ATAD2: variants seen among roughly 807,000 people sequenced by gnomAD.
ATAD2 encodes ATPase family AAA domain-containing protein 2.
In ATAD2, 62 loss-of-function variants were observed where a neutral mutation model predicts 168.9. The ratio of observed to expected loss-of-function variants is 0.37; its 90% confidence interval spans 0.30 to 0.45. The LOEUF (loss-of-function observed/expected upper bound fraction) is 0.45, where lower values mean the gene tolerates loss of function less well. Ranked by LOEUF, ATAD2 falls within the 20% of genes least tolerant of loss-of-function variation. ATAD2 has a pLI of 1.00. For missense variants in ATAD2, 1,419 were observed against 1,667.8 expected (o/e 0.85, Z 2.60); for synonymous variants, 613 against 571.6 (o/e 1.07, Z -1.03).
intron 1 of ATAD2, among the ~76,000 whole-genome samples, chr8:123,389,269 C>T (rs1009650530): frequency 4.1e-5 from 6 of 147,336 alleles, no homozygotes; most frequent in South Asian, 2.2e-4. Context: ...AGCCACCGTG[C>T]CCGGCCTGTG....
intron 1 of ATAD2, among the ~76,000 whole-genome samples, chr8:123,414,952 C>A (rs1205148091): frequency 6.6e-6 from 1 of 151,998 alleles, no homozygotes; most frequent in African/African-American, 2.4e-5. Flanking sequence ...TGCCTGTGTA[C>A]CTTGTTTTTT....
intron 1 of ATAD2, among the ~76,000 whole-genome samples, chr8:123,413,472 T>A (rs1439932870): frequency 6.6e-6 from 1 of 152,174 alleles, no homozygotes; most frequent in East Asian, 1.9e-4. Flanking sequence ...CAGCACCCAT[T>A]AGATAAGCAC....
At chr8:123,351,593 C>T (rs1222634432) in intron 13 of ATAD2, among the ~76,000 whole-genome samples, 1 of 152,176 alleles carries the variant, frequency 6.6e-6, no homozygotes, top group Non-Finnish European at 1.5e-5. Context: ...AACTACACTA[C>T]TTCATCAACT....
chr8:123,400,775 C>A, upstream of ATAD2: 1 of 829,476 alleles, frequency 1.2e-6, no homozygotes, highest in Non-Finnish European at 2.1e-6. The surrounding 1 kb of genome is among the most constrained non-coding windows in gnomAD (Gnocchi z 4.5). Context: ...CCGCTGATCT[C>A]CTCCTCCATG....
At chr8:123,407,852 C>CA (rs11315960) in intron 1 of ATAD2, among the ~76,000 whole-genome samples, 76 of 139,982 alleles carry the variant, frequency 5.4e-4, no homozygotes, top group African/African-American at 8.4e-4. Flanking sequence ...GACTCCGTCT[C>CA]AAAAAAAAAA....
At chr8:123,345,182 G>T in intron 18 of ATAD2, 113 bp from the exon 19 acceptor site, 2 of 887,624 alleles carry the variant, frequency 2.3e-6, no homozygotes, top group Non-Finnish European at 3.1e-6. Flanking sequence ...AAGTCCTCAA[G>T]TTTTTAAAAT....
intron 13 of ATAD2, among the ~76,000 whole-genome samples, chr8:123,354,864 A>AAAAAATATATATATATAT (rs1554644338): frequency 1.5e-5 from 1 of 64,714 alleles, no homozygotes; most frequent in African/African-American, 8.7e-5. Context: ...AAAAAAAAAA[A>AAAAAATATATATATATAT]ATATATATAT....
intron 1 of ATAD2, among the ~76,000 whole-genome samples, chr8:123,408,832 T>A (rs1300327771): frequency 6.8e-6 from 1 of 146,742 alleles, no homozygotes; most frequent in African/African-American, 2.5e-5. Context: ...GATATATTCT[T>A]TTTTTTTTTT....
At chr8:123,401,850 G>A (rs1813007839) in intron 1 of ATAD2, 4 of 761,384 alleles carry the variant, frequency 5.3e-6, no homozygotes, top group East Asian at 4.9e-5. Context: ...AGCCAGGCAC[G>A]ATACTTCAGT....
At chr8:123,363,744 A>G (rs1828886867) in intron 8 of ATAD2, among the ~76,000 whole-genome samples, 1 of 152,190 alleles carries the variant, frequency 6.6e-6, no homozygotes, top group Non-Finnish European at 1.5e-5. Context: ...GACTAACATT[A>G]ACTGACTGCT....
At chr8:123,371,103 C>T (rs1586890666) in intron 5 of ATAD2, 113 bp from the exon 6 acceptor site, 5 of 1,106,112 alleles carry the variant, frequency 4.5e-6, no homozygotes, top group African/African-American at 1.6e-5. Context: ...TAAACTCTTA[C>T]ATTTCCAGCA....
At chr8:123,387,515 A>G (rs1829678597) in intron 1 of ATAD2, among the ~76,000 whole-genome samples, 1 of 152,196 alleles carries the variant, frequency 6.6e-6, no homozygotes, top group South Asian at 2.1e-4. Flanking sequence ...ATGTATTACC[A>G]GAAAAAAATT....
rs149553795 is a variant in ATAD2, at chr8:123,339,810, T to C, written c.2719-364A>G. Among the ~76,000 whole-genome samples the C allele has an allele frequency of 3.1e-4, 47 of 152,278 alleles. No homozygotes were observed. The East Asian group carries it at 6.7e-3, about 22-fold the overall frequency. ...TGTATAAACCATGTTTACAAGAGAT[T>C]AAGGAACTAAAAATCATGAGAACTC... On this transcript the variant is annotated intron_variant, in intron 19 of 27. Transcript: ENST00000287394.
At chr8:123,340,982 A>C (rs983567421) in intron 19 of ATAD2, among the ~76,000 whole-genome samples, 16 of 151,598 alleles carry the variant, frequency 1.1e-4, no homozygotes, top group African/African-American at 3.9e-4. Context: ...TCACTCTGTC[A>C]CCTAGGCTGG....
At chr8:123,353,634 A>G (rs1177973170) in intron 13 of ATAD2, among the ~76,000 whole-genome samples, 1 of 151,674 alleles carries the variant, frequency 6.6e-6, no homozygotes, top group East Asian at 1.9e-4. Context: ...TTTCTGCTTC[A>G]GTGTTACAAT....
At chr8:123,375,475 G>A (rs1342900747) in intron 2 of ATAD2, among the ~76,000 whole-genome samples, 1 of 152,170 alleles carries the variant, frequency 6.6e-6, no homozygotes, top group Non-Finnish European at 1.5e-5. Context: ...TCCTCAAAAT[G>A]TTAGTGTTAG....
chr8:123,370,077 A>G, intron 6 of ATAD2, 53 bp from the exon 7 acceptor site: 1 of 1,512,938 alleles, frequency 6.6e-7, no homozygotes, highest in Non-Finnish European at 9.0e-7. Flanking sequence ...AATGTTAACA[A>G]TTTTTAACAT....
intron 20 of ATAD2, 107 bp from the exon 21 acceptor site, chr8:123,337,928 A>AT (rs1563837291): frequency 1.9e-6 from 2 of 1,039,398 alleles, no homozygotes; most frequent in Non-Finnish European, 2.7e-6. Flanking sequence ...TTCCTCATAT[A>AT]TGCAAGGAAT....
intron 1 of ATAD2, among the ~76,000 whole-genome samples, chr8:123,410,830 G>C (rs1483590865): frequency 6.6e-6 from 1 of 152,226 alleles, no homozygotes; most frequent in Admixed American, 6.5e-5. Context: ...ATCCGGCAGG[G>C]TGTCCGCTGT....
Sources: gnomAD v4.1 joint callset for allele counts (sites outside exome capture counted in the v4.1 genomes callset) on GRCh38, gnomAD v4.1.1 for gene constraint, Gnocchi (gnomAD v3.1) non-coding constraint, MANE v1.5 for transcripts, NCBI Gene and HGNC (gene_info 2026-07-23, HGNC 2026-07-21) for gene names.